KLC3: variants seen among roughly 807,000 people sequenced by gnomAD.
KLC3 encodes kinesin light chain 2.
KLC3 carries 72 observed loss-of-function variants against 62.9 expected under a neutral mutation model. The observed-to-expected ratio is 1.15, with a 90% CI of 0.95 to 1.39. The LOEUF (loss-of-function observed/expected upper bound fraction) is 1.39, where lower values mean the gene tolerates loss of function less well. KLC3 is among the 40% of genes most tolerant of loss of function. The pLI, the probability that KLC3 is intolerant of heterozygous loss-of-function variation, is 0.00. For synonymous variants in KLC3, 377 were observed against 300.5 expected, an observed-to-expected ratio of 1.25 and a Z score of -2.63; for missense variants, 848 against 691.6, an observed-to-expected ratio of 1.23 and a Z score of -2.54.
chr19:45,350,333 C>A lies in KLC3; in HGVS notation c.1144-8C>A. ...CCGAAAAGTTCCCAGACACTCCCTT[C>A]TCCGCAGGCCTCAGCCTACCTGAAA... is the stretch of plus-strand genomic sequence containing the variant. On this transcript the variant is annotated splice_polypyrimidine_tract_variant and splice_region_variant and intron_variant, in intron 8 of 12. Transcript: ENST00000391946. 6.2e-7 allele frequency: 1 copy of A among 1,612,190 alleles called. No individual in the cohort carries two copies. Among genetic ancestry groups the A allele is most frequent in the East Asian group, 2.2e-5 (1 of 44,844 alleles).
Position 45,349,417 on chromosome 19 carries a change from C to A in KLC3, c.970-12C>A. 1 of 1,595,326 alleles carries A rather than the reference C, an allele frequency of 6.3e-7. No individual in the cohort carries two copies. The highest frequency in any genetic ancestry group is 1.1e-5 in the South Asian group (1 of 89,278). On this transcript the variant is annotated splice_polypyrimidine_tract_variant and intron_variant, in intron 7 of 12. Transcript: ENST00000391946. ...TGTATGATCCCTCTGACTTGTGACC[C>A]CTGGCCCCCAGGTCCTGGGTGCTGA...
rs1412834018 is a variant in KLC3, at chr19:45,340,812, T to C, written c.-43T>C. On this transcript the variant is annotated 5_prime_UTR_variant, in exon 1 of 13. Coordinates refer to ENST00000391946, the MANE Select transcript of KLC3 (RefSeq NM_177417.3). Reference sequence around the variant, plus strand: ...GCCTGCGGGACGCGACTGATCGCAGTGGGGCGAAGCGGGGCCGGAGCCGCC... The same window carrying C: ...GCCTGCGGGACGCGACTGATCGCAGCGGGGCGAAGCGGGGCCGGAGCCGCC... 6.6e-6 allele frequency: 1 copy of C among 150,940 alleles called. No individual in the cohort carries two copies. Among genetic ancestry groups the C allele is most frequent in the Non-Finnish European group, 1.5e-5 (1 of 67,758 alleles). 9.4% of individuals were successfully genotyped at this position (150,940 alleles called of 1,614,324 possible). A position where few individuals can be genotyped will look rare whatever the true frequency, so the allele number is the denominator to read the frequency against.
chr19:45,350,811 CCACCCCCATCTT>C, intron 11 of KLC3, 64 bp downstream of exon 11: 1 of 1,299,058 alleles, frequency 7.7e-7, no homozygotes, highest in Non-Finnish European at 1.1e-6. Context: ...CACCCCACCC[CCACCCCCATCTT>C]GCTCAAGAAC....
chr19:45,346,761 C>A lies in KLC3; in HGVS notation c.476C>A (p.Pro159Gln). 6.3e-7 allele frequency: 1 copy of A among 1,580,284 alleles called. No homozygotes were observed. The highest frequency in any genetic ancestry group is 8.6e-7 in the Non-Finnish European group (1 of 1,164,082). The change falls in exon 3 of 13, where the codon CCG (proline) becomes CAG (glutamine). Residue 159 changes from proline (P) to glutamine (Q), a missense_variant. Physicochemically the swap from Pro to Gln is moderately conservative, Grantham distance 76 (BLOSUM62 -1). Transcript: ENST00000391946. ...GGGCAGCTGCGACAGTACGACCCAC[C>A]GGCGGAGAGCCAGGTGCCACGGGCA... Reference protein sequence around the residue: ...FLGQLRQYDPPAESQQSESPP... With the variant: ...FLGQLRQYDPQAESQQSESPP...
chr19:45,341,578 T>TGTGTGTGTGCGCGCGCGCAC, intron 1 of KLC3, among the ~76,000 whole-genome samples: 1 of 139,800 alleles, frequency 7.2e-6, no homozygotes, highest in Non-Finnish European at 1.6e-5. Context: ...TGTGTGTGTG[T>TGTGTGTGTGCGCGCGCGCAC]GCGCGCGCGC....
chr19:45,350,867 C>T, intron 11 of KLC3, 87 bp from the exon 12 acceptor site: 1 of 1,483,556 alleles, frequency 6.7e-7, no homozygotes, highest in Non-Finnish European at 9.3e-7. Flanking sequence ...GTGATACACA[C>T]AGATCAAACC....
At chr19:45,347,858 A>G (rs1971541835) in intron 4 of KLC3, 83 bp from the exon 5 acceptor site, 1 of 1,164,422 alleles carries the variant, frequency 8.6e-7, no homozygotes, top group African/African-American at 1.5e-5. Flanking sequence ...GCAGTCCGGC[A>G]GTTCTGAGGC....
intron 1 of KLC3, among the ~76,000 whole-genome samples, chr19:45,341,301 G>T (rs1226101584): frequency 6.6e-6 from 1 of 152,068 alleles, no homozygotes; most frequent in East Asian, 1.9e-4. Context: ...GGGACTGTGT[G>T]TATGATGTGA....
intron 12 of KLC3, 36 bp from the exon 13 acceptor site, chr19:45,351,250 A>ACCTCC (rs747867172): frequency 2.9e-6 from 2 of 694,286 alleles, no homozygotes; most frequent in Admixed American, 2.7e-5. Context: ...CTTGCCCCTC[A>ACCTCC]CCTCCCCTCC....
chr19:45,348,107 C>A lies in KLC3; in HGVS notation c.726C>A (p.Gly242=), dbSNP rs769210705. The change falls in exon 5 of 13, where the codon GGC becomes GGA. Residue 242 remains glycine, a synonymous_variant. Coordinates refer to ENST00000391946, the MANE Select transcript of KLC3 (RefSeq NM_177417.3). The part of the protein sequence containing the change: ...QALEDLERSS[G]HCHPDVATML... The stretch of plus-strand genomic sequence containing the variant: ...TGGAGGACCTGGAGCGCAGCTCGGG[C>A]CACTGCCACCCTGACGTGGCCACCA... 26 of 1,601,764 alleles carry A rather than the reference C, an allele frequency of 1.6e-5. No individual in the cohort carries two copies. Among genetic ancestry groups the A allele is most frequent in the Non-Finnish European group, 2.2e-5 (26 of 1,174,562 alleles).
At chr19:45,345,182 G>A (rs1248943992) in intron 1 of KLC3, 3 of 467,636 alleles carry the variant, frequency 6.4e-6, no homozygotes, top group Non-Finnish European at 7.6e-6. Flanking sequence ...GCCTTGGGGT[G>A]GGGAAGGCTG....
intron 1 of KLC3, among the ~76,000 whole-genome samples, chr19:45,341,792 T>TA (rs1230454847): frequency 2.1e-5 from 3 of 139,870 alleles, no homozygotes; most frequent in South Asian, 2.1e-4. Flanking sequence ...TGTGTGTGTG[T>TA]GTGTGTGTGT....
In KLC3 at chr19:45,348,902, CT is replaced by C; in HGVS notation, c.953del (p.Leu318TrpfsTer43). 1 of 1,582,870 alleles carries C rather than the reference CT, an allele frequency of 6.3e-7. No individual in the cohort carries two copies. The highest frequency in any genetic ancestry group is 8.6e-7 in the Non-Finnish European group (1 of 1,164,714). On this transcript the variant is annotated frameshift_variant, in exon 7 of 13. Transcript: ENST00000391946. LOFTEE classifies it high-confidence loss of function. ...YREAEPLCQR[A>X]LEIREKVLGA... ...GAGGCAGAGCCCCTGTGCCAGCGCG[CT>C]TTGGAGATCCGAGAGAAGGTCCCAT... is the stretch of plus-strand genomic sequence containing the variant.
intron 5 of KLC3, among the ~76,000 whole-genome samples, chr19:45,348,372 CAG>C (rs1971562099): frequency 6.6e-6 from 1 of 150,956 alleles, no homozygotes; most frequent in East Asian, 1.9e-4. Flanking sequence ...CTGAGCCAGG[CAG>C]AGAGGAGTCA....
chr19:45,341,380 G>A (rs1429156596), intron 1 of KLC3, among the ~76,000 whole-genome samples: 1 of 152,122 alleles, frequency 6.6e-6, no homozygotes, highest in African/African-American at 2.4e-5. Context: ...TTGGATTGCT[G>A]GTAGCACTTT....
chr19:45,350,765 C>T lies in KLC3; in HGVS notation c.1379+18C>T, dbSNP rs3916900. ...GCAGCCGGGTGAGTGTTGATCAGGT[C>T]GGCAAAGAGCCCTGACATCAGCAGA... On this transcript the variant is annotated intron_variant, in intron 11 of 12. Coordinates refer to ENST00000391946, the MANE Select transcript of KLC3 (RefSeq NM_177417.3). 4,304 of 1,596,364 alleles carry T rather than the reference C, an allele frequency of 2.7e-3. 96 individuals are homozygous for T. The African/African-American group carries it at 0.048, about 18-fold the overall frequency.
chr19:45,349,746 A>AGCTGGCTCAGCACAGAACACGGAATC (rs1971624868), intron 8 of KLC3, 144 bp downstream of exon 8: 4 of 751,246 alleles, frequency 5.3e-6, no homozygotes, highest in Non-Finnish European at 8.3e-6. Context: ...CAGACACAGG[A>AGCTGGCTCAGCACAGAACACGGAATC]GCTGGCTCAG....
At chr19:45,351,072 A>C (rs3916898) in intron 12 of KLC3, 55 bp downstream of exon 12, 96,592 of 1,613,514 alleles carry the variant, frequency 0.06, 3,180 homozygotes, top group Non-Finnish European at 0.066. Flanking sequence ...AGGTGCAGAG[A>C]TGAGGCAAAG....
Position 45,351,318 on chromosome 19 carries a change from G to T in KLC3, c.1476G>T (p.Arg492=), listed in dbSNP as rs759993242. 3 of 1,612,174 alleles carry T rather than the reference G, an allele frequency of 1.9e-6. No homozygotes were observed. Among genetic ancestry groups the T allele is most frequent in the South Asian group, 2.2e-5 (2 of 91,072 alleles). The part of the protein sequence containing the change: ...FPSWHLDKAP[R]TLSASTQDLS... ...GCTGGCACCTGGACAAGGCCCCTCG[G>T]ACCCTCAGCGCCAGCACCCAGGACC... The change falls in exon 13 of 13, where the codon CGG becomes CGT. Residue 492 remains arginine, a synonymous_variant. Transcript: ENST00000391946.
Sources: gnomAD v4.1 joint callset for allele counts (sites outside exome capture counted in the v4.1 genomes callset) on GRCh38, gnomAD v4.1.1 for gene constraint, MANE v1.5 for transcripts, NCBI Gene and HGNC (gene_info 2026-07-23, HGNC 2026-07-21) for gene names.